The following NT5C3A variants were observed in gnomAD, a reference collection of about 807,000 sequenced individuals.
NT5C3A encodes cytosolic 5'-nucleotidase 3A.
Under a neutral mutation model 40.0 loss-of-function variants are expected in NT5C3A, and 23 were observed. That is an observed-to-expected ratio of 0.58 (90% CI 0.41 to 0.81). The LOEUF (loss-of-function observed/expected upper bound fraction) is 0.81. Among genes scored for constraint, NT5C3A ranks in the 40% least tolerant of loss-of-function variants. The probability of loss-of-function intolerance (pLI) is 0.00; values close to 1 mark genes in which losing one functional copy is unlikely to be tolerated. For missense variants in NT5C3A, 328 were observed against 403.0 expected, an observed-to-expected ratio of 0.81 and a Z score of 1.59; for synonymous variants, 130 against 141.4, an observed-to-expected ratio of 0.92 and a Z score of 0.57.
intron 1 of NT5C3A, among the ~76,000 whole-genome samples, chr7:33,044,836 C>T (rs1787082805): frequency 6.6e-6 from 1 of 152,128 alleles, no homozygotes. Flanking sequence ...AAAAAGCCCA[C>T]AGAAAACCAA....
chr7:33,048,176 T>TTGTG (rs10582278), intron 1 of NT5C3A, among the ~76,000 whole-genome samples: 35 of 148,516 alleles, frequency 2.4e-4, no homozygotes, highest in Non-Finnish European at 3.9e-4. Flanking sequence ...TACATTTGAT[T>TTGTG]TGTGTGTGTG....
chr7:33,017,182 CAAAAA>C (rs11286607), intron 7 of NT5C3A: 680 of 316,874 alleles, frequency 2.1e-3, no homozygotes, highest in South Asian at 2.6e-3. Flanking sequence ...GACTCCATCT[CAAAAA>C]AAAAAAAAAA....
At chr7:33,018,137 G>A (rs567330476) in intron 6 of NT5C3A, among the ~76,000 whole-genome samples, 66 of 152,282 alleles carry the variant, frequency 4.3e-4, no homozygotes, top group East Asian at 2.9e-3. Flanking sequence ...CTATCAACTT[G>A]GCCTAACTTA....
At chr7:33,018,601 A>G (rs1005769719) in intron 6 of NT5C3A, among the ~76,000 whole-genome samples, 9 of 152,232 alleles carry the variant, frequency 5.9e-5, no homozygotes, top group Non-Finnish European at 1.2e-4. Context: ...CTGTAACCCC[A>G]GCACTTTGGG....
intron 1 of NT5C3A, among the ~76,000 whole-genome samples, chr7:33,032,913 C>T (rs1277143233): frequency 6.6e-6 from 1 of 151,716 alleles, no homozygotes; most frequent in East Asian, 1.9e-4. Flanking sequence ...GCCACTATGC[C>T]CAGGTATTTT....
intron 1 of NT5C3A, chr7:33,039,051 T>C (rs1786764948): frequency 1.9e-5 from 7 of 363,980 alleles, no homozygotes; most frequent in Non-Finnish European, 3.8e-5. Context: ...GTCTCTACTA[T>C]AGCAGAGTTC....
intron 6 of NT5C3A, 100 bp downstream of exon 6, chr7:33,019,535 G>A: frequency 1.3e-6 from 1 of 767,496 alleles, no homozygotes; most frequent in East Asian, 2.6e-5. Flanking sequence ...GGTTATATAA[G>A]GAATATTCAA....
Position 33,015,662 on chromosome 7 carries a change from A to T in NT5C3A, c.894+8T>A, listed in dbSNP as rs377135229. 2.6e-6 allele frequency: 4 copies of T among 1,564,026 alleles called. No individual in the cohort carries two copies. The highest frequency in any genetic ancestry group is 1.1e-5 in the South Asian group (1 of 89,580). On this transcript the variant is annotated splice_region_variant and intron_variant, in intron 8 of 8. Transcript: ENST00000610140. ...TCTTCGAAAAAAATTACAGATTTGT[A>T]TACTTACTCTATCATTTAGATATCC...
At chr7:33,036,890 C>T (rs1292295389) in intron 1 of NT5C3A, among the ~76,000 whole-genome samples, 2 of 152,124 alleles carry the variant, frequency 1.3e-5, no homozygotes, top group Non-Finnish European at 2.9e-5. Flanking sequence ...CAGCTCACTG[C>T]AACCTCTGAT....
At chr7:33,018,187 T>C (rs1785443246) in intron 6 of NT5C3A, among the ~76,000 whole-genome samples, 1 of 152,210 alleles carries the variant, frequency 6.6e-6, no homozygotes, top group African/African-American at 2.4e-5. Context: ...ATTTACATGA[T>C]TAAAATATTT....
At chr7:33,045,052 T>C (rs988219995) in intron 1 of NT5C3A, among the ~76,000 whole-genome samples, 6 of 152,218 alleles carry the variant, frequency 3.9e-5, no homozygotes, top group Non-Finnish European at 2.9e-5. Flanking sequence ...ATAATCCAAT[T>C]ACCTTTCCAA....
intron 1 of NT5C3A, among the ~76,000 whole-genome samples, chr7:33,040,141 G>A (rs1202309961): frequency 2.6e-5 from 4 of 152,014 alleles, no homozygotes; most frequent in Non-Finnish European, 4.4e-5. Flanking sequence ...CAGAGATGCC[G>A]GGCTTGGATG....
In NT5C3A at chr7:33,024,097, G is replaced by T; in HGVS notation, c.249C>A (p.Asp83Glu). ...AAAATCTACTGAGTGTCATATCAAAGTCCGTTATTATCTGTAAGAAAAGAG... is the reference window on the plus strand; with the variant it reads ...AAAATCTACTGAGTGTCATATCAAATTCCGTTATTATCTGTAAGAAAAGAG... ...GGAAKLQIIT[D>E]FDMTLSRFSY... Residue 83 changes from aspartate (D) to glutamate (E), a missense_variant, in exon 3 of 9, where the codon GAC becomes GAA. This residue lies in a region of NT5C3A where 280 missense variants were observed against 317.2 expected (regional missense o/e 0.88). Transcript: ENST00000610140. The T allele has an allele frequency of 1.3e-6, 2 of 1,574,932 alleles. No individual in the cohort carries two copies. Among genetic ancestry groups the T allele is most frequent in the South Asian group, 1.1e-5 (1 of 89,908 alleles).
intron 1 of NT5C3A, among the ~76,000 whole-genome samples, chr7:33,030,972 G>A (rs569652092): frequency 7.9e-5 from 12 of 152,016 alleles, no homozygotes; most frequent in Middle Eastern, 3.4e-3. Context: ...GGTGGCGGGC[G>A]CCTGTAGGCC....
At chr7:33,038,813 C>T (rs1167531733) in intron 1 of NT5C3A, 1 of 456,058 alleles carries the variant, frequency 2.2e-6, no homozygotes, top group Non-Finnish European at 4.4e-6. Flanking sequence ...AAAGTTCTGG[C>T]TTACTTTGCC....
intron 1 of NT5C3A, among the ~76,000 whole-genome samples, chr7:33,045,306 C>G (rs1459024720): frequency 2.0e-5 from 3 of 152,108 alleles, no homozygotes; most frequent in Non-Finnish European, 2.9e-5. Context: ...CTGAAGACAA[C>G]AGTGAACTGA....
chr7:33,022,276 T>C (rs1785667763), intron 3 of NT5C3A, among the ~76,000 whole-genome samples, 177 bp from the exon 4 acceptor site: 2 of 152,198 alleles, frequency 1.3e-5, no homozygotes, highest in Admixed American at 6.5e-5. Context: ...GTGTCAGTGG[T>C]ATAATTCACA....
intron 1 of NT5C3A, among the ~76,000 whole-genome samples, chr7:33,027,213 C>A (rs572969783): frequency 6.6e-6 from 1 of 152,038 alleles, no homozygotes; most frequent in Non-Finnish European, 1.5e-5. Flanking sequence ...AGAAGGCATG[C>A]GCCATCATAC....
intron 1 of NT5C3A, among the ~76,000 whole-genome samples, chr7:33,049,312 C>T (rs1038799975): frequency 1.3e-5 from 2 of 152,028 alleles, no homozygotes; most frequent in African/African-American, 4.8e-5. Flanking sequence ...TTCTAGATAA[C>T]TGGAAATTGA....
Sources: allele counts gnomAD v4.1 joint callset (sites outside exome capture counted in the v4.1 genomes callset), GRCh38; gene constraint gnomAD v4.1.1; regional missense constraint gnomAD v4.1.1; transcripts MANE v1.5; gene names NCBI Gene and HGNC (gene_info 2026-07-23, HGNC 2026-07-21).